The following RHOBTB1 variants were observed in gnomAD, a reference collection of about 807,000 sequenced individuals.
RHOBTB1 encodes Rho related BTB domain containing 1.
Under a neutral mutation model 71.6 loss-of-function variants are expected in RHOBTB1, and 40 were observed. The observed-to-expected ratio is 0.56, with a 90% CI of 0.43 to 0.73. The LOEUF (loss-of-function observed/expected upper bound fraction) is 0.73. RHOBTB1 is among the 30% of genes least tolerant of loss of function. The probability of loss-of-function intolerance (pLI) is 0.00; values close to 1 mark genes in which losing one functional copy is unlikely to be tolerated. For missense variants in RHOBTB1, 797 were observed against 894.0 expected (o/e 0.89, Z 1.38); for synonymous variants, 319 against 334.9 (o/e 0.95, Z 0.52).
chr10:60,944,382 A>G, upstream of RHOBTB1: 1 of 152,380 alleles, frequency 6.6e-6, no homozygotes, highest in Non-Finnish European at 1.5e-5. Flanking sequence ...TCATTCATGA[A>G]ACCGGGGCCT....
At chr10:60,888,153 C>G in intron 6 of RHOBTB1, 59 bp downstream of exon 6, 2 of 1,546,294 alleles carry the variant, frequency 1.3e-6, no homozygotes, top group Non-Finnish European at 1.7e-6. Flanking sequence ...TCATGTCTGG[C>G]TAACGTTCAA....
intron 4 of RHOBTB1, among the ~76,000 whole-genome samples, chr10:60,907,226 C>T (rs116109654): frequency 0.015 from 2,239 of 152,266 alleles, 61 homozygotes; most frequent in African/African-American, 0.051. Flanking sequence ...TAAGAACAGA[C>T]TAATACAGGG....
intron 1 of RHOBTB1, among the ~76,000 whole-genome samples, chr10:60,992,454 G>C (rs2086901618): frequency 6.6e-6 from 1 of 152,202 alleles, no homozygotes; most frequent in African/African-American, 2.4e-5. Flanking sequence ...ACACAAAGGA[G>C]AGAAGATATT....
chr10:60,892,306 A>C (rs1004848260), intron 5 of RHOBTB1, among the ~76,000 whole-genome samples: 1 of 152,202 alleles, frequency 6.6e-6, no homozygotes, highest in Non-Finnish European at 1.5e-5. Context: ...ATAGGTCCGA[A>C]TGATTTTCAA....
intron 6 of RHOBTB1, among the ~76,000 whole-genome samples, 161 bp from the exon 7 acceptor site, chr10:60,886,391 C>G (rs2081577416): frequency 6.6e-6 from 1 of 152,238 alleles, no homozygotes; most frequent in South Asian, 2.1e-4. Flanking sequence ...CTTTGACACA[C>G]CCAGCTCCCA....
At chr10:60,901,011 T>C (rs1289971723) in intron 4 of RHOBTB1, among the ~76,000 whole-genome samples, 1 of 152,220 alleles carries the variant, frequency 6.6e-6, no homozygotes, top group Non-Finnish European at 1.5e-5. Flanking sequence ...TGTAAAGAAA[T>C]GGACAGGTTA....
At chr10:60,963,328 G>A (rs1014936748) in intron 2 of RHOBTB1, among the ~76,000 whole-genome samples, 2 of 152,098 alleles carry the variant, frequency 1.3e-5, no homozygotes, top group Non-Finnish European at 1.5e-5. Context: ...AATTTCAGAC[G>A]ATGAAAGTGA....
intron 4 of RHOBTB1, 100 bp downstream of exon 4, chr10:60,910,787 A>C: frequency 1.3e-6 from 1 of 799,950 alleles, no homozygotes. Context: ...GCACATTTCA[A>C]GGCCATATGA....
At chr10:60,942,221 T>C (rs77218848) in intron 1 of RHOBTB1, among the ~76,000 whole-genome samples, 7,337 of 152,256 alleles carry the variant, frequency 0.048, 305 homozygotes, top group African/African-American at 0.11. Flanking sequence ...CTATTCAAAA[T>C]AGCATTTTTA....
intron 4 of RHOBTB1, among the ~76,000 whole-genome samples, chr10:60,910,654 C>A (rs1405863513): frequency 1.3e-5 from 2 of 152,340 alleles, no homozygotes; most frequent in Middle Eastern, 6.8e-3. Flanking sequence ...AACCTTCCAG[C>A]TTGACCACTG....
downstream of RHOBTB1, among the ~76,000 whole-genome samples, chr10:60,866,004 G>A (rs759600297): frequency 1.3e-5 from 2 of 152,078 alleles, no homozygotes; most frequent in African/African-American, 2.4e-5. Flanking sequence ...GCTAATTTTT[G>A]TATTTTTAAT....
intron 2 of RHOBTB1, among the ~76,000 whole-genome samples, chr10:60,982,486 T>C (rs888525915): frequency 5.3e-5 from 8 of 152,202 alleles, no homozygotes; most frequent in African/African-American, 1.9e-4. Context: ...CTTGATACCA[T>C]TGATTTTGTT....
chr10:60,932,123 C>T (rs2084289469), intron 2 of RHOBTB1, among the ~76,000 whole-genome samples: 2 of 152,080 alleles, frequency 1.3e-5, no homozygotes, highest in South Asian at 4.2e-4. Context: ...TATTTGTGTA[C>T]CTGGAAATCA....
At chr10:60,988,378 C>T (rs933046344) in intron 1 of RHOBTB1, among the ~76,000 whole-genome samples, 2 of 151,920 alleles carry the variant, frequency 1.3e-5, no homozygotes, top group Non-Finnish European at 2.9e-5. Context: ...ATGTGTGATG[C>T]TGAGGTTTGG....
chr10:60,976,569 G>A (rs1232810134), intron 2 of RHOBTB1, among the ~76,000 whole-genome samples: 1 of 151,792 alleles, frequency 6.6e-6, no homozygotes, highest in African/African-American at 2.4e-5. Context: ...CTGTAGTAAT[G>A]CCCCTTGTTT....
intron 4 of RHOBTB1, among the ~76,000 whole-genome samples, chr10:60,903,976 T>C (rs566010925): frequency 6.6e-6 from 1 of 152,318 alleles, no homozygotes; most frequent in African/African-American, 2.4e-5. Context: ...TTTTCTTTTT[T>C]TTTTGAGACA....
intron 2 of RHOBTB1, among the ~76,000 whole-genome samples, chr10:60,912,161 G>A (rs2083011280): frequency 6.6e-6 from 1 of 151,906 alleles, no homozygotes; most frequent in African/African-American, 2.4e-5. Flanking sequence ...ATATTTATTT[G>A]TATTAATCAA....
intron 6 of RHOBTB1, 84 bp from the exon 7 acceptor site, chr10:60,886,314 CT>C (rs2081572623): frequency 1.1e-6 from 1 of 875,312 alleles, no homozygotes. Flanking sequence ...AGCCACCAAA[CT>C]GCGACTCCCT....
At chr10:60,899,333 C>T (rs983769909) in intron 4 of RHOBTB1, among the ~76,000 whole-genome samples, 1 of 152,192 alleles carries the variant, frequency 6.6e-6, no homozygotes, top group African/African-American at 2.4e-5. Context: ...TCTTTCAACT[C>T]CGTCTGGAGT....
Sources: gnomAD v4.1 joint callset for allele counts (sites outside exome capture counted in the v4.1 genomes callset) on GRCh38, gnomAD v4.1.1 for gene constraint, MANE v1.5 for transcripts, NCBI Gene and HGNC (gene_info 2026-07-23, HGNC 2026-07-21) for gene names.